CKM: variants seen among roughly 807,000 people sequenced by gnomAD.
CKM encodes the protein creatine kinase M-type.
A neutral mutation model predicts 35.4 loss-of-function variants in CKM; 28 were observed. The observed-to-expected ratio is 0.79, with a 90% CI of 0.59 to 1.08. CKM has a LOEUF of 1.08. Ranked by LOEUF, CKM falls within the 50% of genes least tolerant of loss-of-function variation. The pLI is 0.00. For missense variants in CKM, 484 were observed against 509.8 expected, an observed-to-expected ratio of 0.95 and a Z score of 0.49; for synonymous variants, 215 against 204.4, an observed-to-expected ratio of 1.05 and a Z score of -0.44.
intron 4 of CKM, among the ~76,000 whole-genome samples, chr19:45,313,878 TG>T (rs1462534593): frequency 6.6e-6 from 1 of 151,736 alleles, no homozygotes; most frequent in Admixed American, 6.6e-5. Flanking sequence ...CTATTACTGC[TG>T]GCCAGGCACT....
intron 1 of CKM, among the ~76,000 whole-genome samples, chr19:45,320,303 G>A (rs1232929154): frequency 6.7e-6 from 1 of 149,860 alleles, no homozygotes; most frequent in East Asian, 2.0e-4. Context: ...CTACTGGTTG[G>A]CCAGGCTGGT....
At chr19:45,322,021 A>G (rs1377195786) in intron 1 of CKM, among the ~76,000 whole-genome samples, 1 of 150,428 alleles carries the variant, frequency 6.6e-6, no homozygotes, top group Non-Finnish European at 1.5e-5. Flanking sequence ...CCCCACCCCC[A>G]CATTCCGGGG....
chr19:45,307,407 G>C, intron 7 of CKM, 54 bp downstream of exon 7: 2 of 1,561,050 alleles, frequency 1.3e-6, no homozygotes, highest in Non-Finnish European at 1.8e-6. Context: ...TTGCATCCCT[G>C]CAAAGGGCCC....
At chr19:45,322,214 A>AC (rs1209438675) in intron 1 of CKM, among the ~76,000 whole-genome samples, 117 of 148,048 alleles carry the variant, frequency 7.9e-4, no homozygotes, top group Non-Finnish European at 7.8e-4. Flanking sequence ...CAGGGTGGTG[A>AC]CCCCCCCCAC....
rs1301465392 is a variant in CKM, at chr19:45,307,486, G to A, written c.942C>T (p.Arg314=). The A allele has an allele frequency of 6.2e-7, 1 of 1,613,904 alleles. No individual in the cohort carries two copies. Among genetic ancestry groups the A allele is most frequent in the South Asian group, 1.1e-5 (1 of 91,060 alleles). The part of the protein sequence containing the change: ...KHPKFEEILT[R]LRLQKRGTGG... ...CTGTACCCCTCTTCTGCAGACGCAG[G>A]CGGGTGAGGATCTCCTCGAACTTGG... The change falls in exon 7 of 8, where the codon CGC becomes CGT. Residue 314 remains arginine, a synonymous_variant. Transcript: ENST00000221476.
intron 5 of CKM, 77 bp from the exon 6 acceptor site, chr19:45,308,609 T>C: frequency 6.4e-7 from 1 of 1,570,548 alleles, no homozygotes; most frequent in Non-Finnish European, 8.7e-7. Context: ...CCCCAAAACA[T>C]CTGCCCACCG....
chr19:45,319,008 C>T (rs1971185829), intron 2 of CKM, among the ~76,000 whole-genome samples: 1 of 152,078 alleles, frequency 6.6e-6, no homozygotes, highest in African/African-American at 2.4e-5. Flanking sequence ...GCCCTCATCA[C>T]CACACTTGGC....
intron 3 of CKM, among the ~76,000 whole-genome samples, chr19:45,316,116 G>A (rs904089750): frequency 2.6e-5 from 4 of 151,952 alleles, no homozygotes; most frequent in Non-Finnish European, 5.9e-5. Context: ...AATCACCTGA[G>A]GTCAGGAGTT....
chr19:45,310,931 G>C lies in CKM; in HGVS notation c.653+818C>G, dbSNP rs955257545. 2.8e-3 allele frequency among the ~76,000 whole-genome samples: 323 copies of C among 114,322 alleles called. 1 individual carries two copies. Among genetic ancestry groups the C allele is most frequent in the African/African-American group, 0.012 (306 of 24,494 alleles). The allele number at this position is 114,322 out of a possible 152,430, so 75.0% of individuals were successfully genotyped here. ...GACTACAGGCGCCTGCCACGACGCC[G>C]GGCTAATTTTTTTTTTTTTTTTGTA... On this transcript the variant is annotated intron_variant, in intron 5 of 7. Transcript: ENST00000221476.
rs972724420 is a variant in CKM at position 45,308,433 on chromosome 19, G to C, written c.753C>G (p.Arg251=). ...CCTTCTGCAGCCCTACGCAGAAGCG[G>C]CGGAAAACCTCCTTCATGTTGCCCC... The part of the protein sequence containing the change: ...EKGGNMKEVF[R]RFCVGLQKIE... Residue 251 remains arginine, a synonymous_variant, in exon 6 of 8, where the codon CGC becomes CGG. Transcript: ENST00000221476. The C allele has an allele frequency of 1.2e-6, 2 of 1,614,186 alleles. No individual in the cohort carries two copies. Among genetic ancestry groups the C allele is most frequent in the Non-Finnish European group, 8.5e-7 (1 of 1,180,026 alleles).
At position 45,317,851 on chromosome 19, in the gene CKM, T is replaced by C. The variant is rs758155404; in HGVS notation, c.322A>G (p.Thr108Ala). 1.2e-6 allele frequency: 2 copies of C among 1,613,912 alleles called. No individual in the cohort carries two copies. The highest frequency in any genetic ancestry group is 2.2e-5 in the South Asian group (2 of 91,050). ...GGYKPTDKHK[T>A]DLNHENLKGG... is the part of the protein sequence containing the mutation. ...TTGAGGTTTTCATGGTTGAGGTCAG[T>C]CTTGTGCTTGTCAGTGGGTTTGTAG... is the stretch of plus-strand genomic sequence containing the variant. The change falls in exon 3 of 8, where the codon ACT becomes GCT. Residue 108 changes from threonine to alanine, a missense_variant. By Grantham distance (58) the Thr-to-Ala change is moderately conservative. Coordinates refer to ENST00000221476, the MANE Select transcript of CKM (RefSeq NM_001824.5).
intron 4 of CKM, among the ~76,000 whole-genome samples, chr19:45,312,952 TAAA>T (rs35930252): frequency 7.4e-6 from 1 of 135,980 alleles, no homozygotes. Context: ...AGATTCTGTC[TAAA>T]AAAAAAAAAA....
chr19:45,318,924 G>A (rs556372682), intron 2 of CKM, among the ~76,000 whole-genome samples: 62 of 150,690 alleles, frequency 4.1e-4, no homozygotes, highest in African/African-American at 1.2e-3. Flanking sequence ...GCGCGATCTC[G>A]GCTTACTGCA....
chr19:45,307,863 C>T (rs1049854608), intron 6 of CKM, among the ~76,000 whole-genome samples: 1 of 116,124 alleles, frequency 8.6e-6, no homozygotes, highest in Non-Finnish European at 1.8e-5. Flanking sequence ...GCTTTGAAGG[C>T]GGGTTTTTTT....
At position 45,319,709 on chromosome 19, in the gene CKM, G is replaced by A; in HGVS notation, c.5C>T (p.Pro2Leu). 6.2e-7 allele frequency: 1 copy of A among 1,614,138 alleles called. No individual in the cohort carries two copies. The highest frequency in any genetic ancestry group is 8.5e-7 in the Non-Finnish European group (1 of 1,180,010). MPFGNTHNKFKL... is the reference protein window; with the variant it reads MLFGNTHNKFKL... ...GAACTTGTTGTGGGTGTTACCGAATGGCATGGTGGCGGTGTAGGAGACCTG... is the reference window on the plus strand; with the variant it reads ...GAACTTGTTGTGGGTGTTACCGAATAGCATGGTGGCGGTGTAGGAGACCTG... The change falls in exon 2 of 8, where the codon CCA (proline) becomes CTA (leucine). Residue 2 changes from proline (P) to leucine (L), a missense_variant. Transcript: ENST00000221476.
intron 7 of CKM, 48 bp downstream of exon 7, chr19:45,307,413 G>T (rs758859430): frequency 6.3e-7 from 1 of 1,576,554 alleles, no homozygotes; most frequent in Non-Finnish European, 8.7e-7. Context: ...CCCTGCAAAG[G>T]GCCCTCGCTC....
At chr19:45,310,497 G>T (rs1430423758) in intron 5 of CKM, among the ~76,000 whole-genome samples, 1 of 152,104 alleles carries the variant, frequency 6.6e-6, no homozygotes, top group Non-Finnish European at 1.5e-5. Context: ...AAATTATTGT[G>T]ATCCCTATCC....
chr19:45,319,778 T>C lies in CKM; in HGVS notation c.-18-47A>G, dbSNP rs1015693287. 130 of 1,475,402 alleles carry C rather than the reference T, an allele frequency of 8.8e-5. 2 individuals are homozygous for C. Among genetic ancestry groups the C allele is most frequent in the Non-Finnish European group, 1.1e-4 (123 of 1,073,670 alleles). The allele number at this position is 1,475,402 out of a possible 1,614,324, so 91.4% of individuals were successfully genotyped here. A position where few individuals can be genotyped will look rare whatever the true frequency, so the allele number is the denominator to read the frequency against. On this transcript the variant is annotated intron_variant, in intron 1 of 7. Transcript: ENST00000221476. ...GAAGATTGAAGATTAGCTGGCATCT[T>C]TTTTCTTCTTCTTCTTCTTTTTTTT...
Position 45,317,993 on chromosome 19 carries a change from G to T in CKM, c.194-14C>A, listed in dbSNP as rs201511125. On this transcript the variant is annotated splice_polypyrimidine_tract_variant and intron_variant, in intron 2 of 7. Transcript: ENST00000221476. ...TGAAGGGGTGACCTGGAGGGGTGGG[G>T]GTGAGGTCAGAGCTGCTTGTCCCCA... 1.4e-5 allele frequency: 22 copies of T among 1,613,408 alleles called. No individual in the cohort carries two copies. Among genetic ancestry groups the T allele is most frequent in the Non-Finnish European group, 1.9e-5 (22 of 1,179,724 alleles).
Sources: gnomAD v4.1 joint callset for allele counts (sites outside exome capture counted in the v4.1 genomes callset) on GRCh38, gnomAD v4.1.1 for gene constraint, MANE v1.5 for transcripts, NCBI Gene and HGNC (gene_info 2026-07-23, HGNC 2026-07-21) for gene names.